MYO5C: variants seen among roughly 807,000 people sequenced by gnomAD.
MYO5C encodes the protein myosin VC, also known as unconventional myosin-Vc.
MYO5C carries 194 observed loss-of-function variants against 235.7 expected under a neutral mutation model. The observed-to-expected ratio is 0.82, with a 90% CI of 0.73 to 0.93. The LOEUF is 0.93. Among genes scored for constraint, MYO5C ranks in the 40% least tolerant of loss-of-function variants. The pLI, the probability that MYO5C is intolerant of heterozygous loss-of-function variation, is 0.00. For missense variants in MYO5C, 2,038 were observed against 2,127.2 expected (o/e 0.96, Z 0.82); for synonymous variants, 707 against 754.8 (o/e 0.94, Z 1.04).
intron 20 of MYO5C, among the ~76,000 whole-genome samples, chr15:52,241,604 T>C (rs1308954978): frequency 6.6e-6 from 1 of 152,122 alleles, no homozygotes; most frequent in Non-Finnish European, 1.5e-5. Flanking sequence ...CAGTCTCTGC[T>C]TTAGGTGAGG....
Position 52,246,033 on chromosome 15 carries a change from G to C in MYO5C, c.1989C>G (p.Ser663=). ...CTCGCAGCTGCTGAACAATTCTTTT[G>C]GAGTCAAATCTTTAAAAAGACAATG... is the stretch of plus-strand genomic sequence containing the variant. ...NDEKLPFEFD[S]KRIVQQLRAC... Residue 663 remains serine (S), a synonymous_variant, in exon 17 of 41, where the codon TCC becomes TCG. Transcript: ENST00000261839. 1 of 1,613,824 alleles carries C rather than the reference G, an allele frequency of 6.2e-7. No individual in the cohort carries two copies. Among genetic ancestry groups the C allele is most frequent in the Non-Finnish European group, 8.5e-7 (1 of 1,179,824 alleles).
intron 1 of MYO5C, among the ~76,000 whole-genome samples, chr15:52,294,362 T>C (rs1351460873): frequency 2.0e-5 from 3 of 152,254 alleles, no homozygotes; most frequent in Non-Finnish European, 4.4e-5. Context: ...GAAAATATTC[T>C]AGAACAAAAC....
At chr15:52,196,053 C>A (rs2035044387) in intron 39 of MYO5C, among the ~76,000 whole-genome samples, 1 of 145,674 alleles carries the variant, frequency 6.9e-6, no homozygotes, top group East Asian at 2.2e-4. Context: ...TCAGGCAATC[C>A]TCCCACCTTG....
At chr15:52,282,612 A>T (rs2140861661) in intron 2 of MYO5C, among the ~76,000 whole-genome samples, 170 bp downstream of exon 2, 1 of 152,334 alleles carries the variant, frequency 6.6e-6, no homozygotes. Context: ...GAAGGAGTAC[A>T]GACACATCAG....
chr15:52,278,272 C>T (rs561705125), intron 4 of MYO5C, among the ~76,000 whole-genome samples: 4 of 152,200 alleles, frequency 2.6e-5, no homozygotes, highest in African/African-American at 9.6e-5. Flanking sequence ...TGCTGCCTAC[C>T]CTGGGTTGGT....
intron 40 of MYO5C, 92 bp from the exon 41 acceptor site, chr15:52,194,146 T>A: frequency 8.4e-7 from 1 of 1,194,340 alleles, no homozygotes; most frequent in Non-Finnish European, 1.2e-6. Flanking sequence ...CAGCTATCTC[T>A]AGTGGAGAGC....
At chr15:52,228,145 CAA>C (rs1405676570) in intron 25 of MYO5C, among the ~76,000 whole-genome samples, 2 of 151,724 alleles carry the variant, frequency 1.3e-5, no homozygotes, top group African/African-American at 2.4e-5. Flanking sequence ...ATACAGGTAA[CAA>C]TTTTTTTTTT....
chr15:52,289,836 G>GGCT (rs1253201835), intron 1 of MYO5C, among the ~76,000 whole-genome samples: 2 of 152,214 alleles, frequency 1.3e-5, no homozygotes, highest in African/African-American at 4.8e-5. Context: ...TTCCTGCTCA[G>GGCT]GCCTCACCCT....
chr15:52,246,870 A>C (rs2036359273), intron 16 of MYO5C, 47 bp downstream of exon 16: 3 of 1,501,566 alleles, frequency 2.0e-6, no homozygotes, highest in Non-Finnish European at 2.8e-6. Flanking sequence ...TTTATGGCAG[A>C]AACTGCCTTC....
intron 38 of MYO5C, among the ~76,000 whole-genome samples, chr15:52,198,152 G>GC (rs2035096921): frequency 6.6e-6 from 1 of 151,898 alleles, no homozygotes; most frequent in African/African-American, 2.4e-5. Context: ...GGCCAACATG[G>GC]CAAAACCCTG....
chr15:52,288,451 C>A (rs1266652926), intron 1 of MYO5C, among the ~76,000 whole-genome samples: 1 of 152,188 alleles, frequency 6.6e-6, no homozygotes, highest in Non-Finnish European at 1.5e-5. Flanking sequence ...CAGCCCAGTA[C>A]CCCAGGCCGC....
intron 24 of MYO5C, among the ~76,000 whole-genome samples, chr15:52,230,690 G>A (rs1013005583): frequency 6.6e-5 from 10 of 151,766 alleles, no homozygotes; most frequent in East Asian, 1.9e-4. Flanking sequence ...GATTACAGGT[G>A]TGAGCACTGC....
chr15:52,213,064 G>A, intron 34 of MYO5C, 124 bp downstream of exon 34: 1 of 674,172 alleles, frequency 1.5e-6, no homozygotes, highest in Non-Finnish European at 2.6e-6. Flanking sequence ...GAAACTCTGG[G>A]CTGGGGGAAG....
At position 52,245,403 on chromosome 15, in the gene MYO5C, A is replaced by T; in HGVS notation, c.2129T>A (p.Phe710Tyr). ...CTTGCACACCTCCTTTTTATCGCTG[A>T]AGGAAAGCTCTTGCTTGGTCATGAG... is the stretch of plus-strand genomic sequence containing the variant. ...GILMTKQELSFSDKKEVCKVV... is the reference protein window; with the variant it reads ...GILMTKQELSYSDKKEVCKVV... Residue 710 changes from phenylalanine (F) to tyrosine (Y), a missense_variant, in exon 18 of 41, where the codon TTC (phenylalanine) becomes TAC (tyrosine). By Grantham distance (22) the Phe-to-Tyr change is conservative (BLOSUM62 3). Coordinates refer to ENST00000261839, the MANE Select transcript of MYO5C (RefSeq NM_018728.4). 1 of 1,614,168 alleles carries T rather than the reference A, an allele frequency of 6.2e-7. No individual in the cohort carries two copies.
intron 23 of MYO5C, among the ~76,000 whole-genome samples, chr15:52,235,336 C>T (rs2036055121): frequency 6.6e-6 from 1 of 152,188 alleles, no homozygotes; most frequent in Non-Finnish European, 1.5e-5. Context: ...CACCACCACA[C>T]ACGAATGCGC....
chr15:52,229,273 C>G lies in MYO5C; in HGVS notation c.3067G>C (p.Glu1023Gln). The change falls in exon 25 of 41, where the codon GAG becomes CAG. Residue 1023 changes from glutamate (E) to glutamine (Q), a missense_variant. Physicochemically the swap from Glu to Gln is conservative, Grantham distance 29. Transcript: ENST00000261839. ...KSFELKTQDY[E>Q]KQIQSLKEEI... ...TCTTTCAAAGACTGAATCTGCTTCT[C>G]ATAGTCTTGTGTTTTCAGTTCAAAA... 1 of 1,614,150 alleles carries G rather than the reference C, an allele frequency of 6.2e-7. No homozygotes were observed. Among genetic ancestry groups the G allele is most frequent in the Non-Finnish European group, 8.5e-7 (1 of 1,180,024 alleles).
intron 35 of MYO5C, among the ~76,000 whole-genome samples, chr15:52,210,831 T>C (rs2035427911): frequency 6.6e-6 from 1 of 152,324 alleles, no homozygotes; most frequent in Admixed American, 6.5e-5. Flanking sequence ...TATGTTTCAG[T>C]TGGAAAGGAA....
At chr15:52,237,351 T>C in intron 22 of MYO5C, 131 bp downstream of exon 22, 1 of 1,122,856 alleles carries the variant, frequency 8.9e-7, no homozygotes, top group East Asian at 2.4e-5. Context: ...AGGCTCCCTT[T>C]GGTAATGGAA....
intron 17 of MYO5C, among the ~76,000 whole-genome samples, 192 bp downstream of exon 17, chr15:52,245,764 T>C (rs2036326819): frequency 6.6e-6 from 1 of 152,176 alleles, no homozygotes; most frequent in Admixed American, 6.5e-5. Flanking sequence ...GAGAAGGTGG[T>C]GTTGACCTCC....
Sources: gnomAD v4.1 joint callset for allele counts (sites outside exome capture counted in the v4.1 genomes callset) on GRCh38, gnomAD v4.1.1 for gene constraint, MANE v1.5 for transcripts, NCBI Gene and HGNC (gene_info 2026-07-23, HGNC 2026-07-21) for gene names.